MAP7: variants seen among roughly 807,000 people sequenced by gnomAD.
MAP7 encodes the protein microtubule associated protein 7, also known as ensconsin.
A neutral mutation model predicts 94.8 loss-of-function variants in MAP7; 52 were observed. That is an observed-to-expected ratio of 0.55 (90% confidence interval 0.44 to 0.69). The LOEUF is 0.69. MAP7 is among the 30% of genes least tolerant of loss of function. MAP7 has a pLI of 0.00. For missense variants in MAP7, 940 were observed against 964.6 expected (o/e 0.97, Z 0.34); for synonymous variants, 350 against 357.0 (o/e 0.98, Z 0.22).
intron 1 of MAP7, among the ~76,000 whole-genome samples, chr6:136,452,233 A>G (rs1329326874): frequency 1.3e-5 from 2 of 149,882 alleles, no homozygotes; most frequent in Non-Finnish European, 2.9e-5. Context: ...AAAACAAAAC[A>G]AAACAAAACT....
chr6:136,450,144 A>T (rs1337108962), intron 1 of MAP7, among the ~76,000 whole-genome samples: 7 of 152,236 alleles, frequency 4.6e-5, no homozygotes. Context: ...AGACTGTGCC[A>T]CTGCACGCCA....
At chr6:136,421,048 A>G (rs1034401597) in intron 2 of MAP7, among the ~76,000 whole-genome samples, 1 of 152,130 alleles carries the variant, frequency 6.6e-6, no homozygotes, top group African/African-American at 2.4e-5. Context: ...CCCACAGGCC[A>G]CGCAATGGTT....
Position 136,362,585 on chromosome 6 carries a change from C to A in MAP7, c.1391G>T (p.Ser464Ile), listed in dbSNP as rs1284383166. 6.2e-7 allele frequency: 1 copy of A among 1,614,146 alleles called. No homozygotes were observed. The highest frequency in any genetic ancestry group is 8.5e-7 in the Non-Finnish European group (1 of 1,180,038). ...GCCTGCAGAAGTCTTAACAGAAGCA[C>A]TGGCATTCACAGTGGATGACGGGGC... ...VSAPSSTVNASASVKTSAGTT... is the reference protein window; with the variant it reads ...VSAPSSTVNAIASVKTSAGTT... Residue 464 changes from serine (S) to isoleucine (I), a missense_variant, in exon 11 of 18, where the codon AGT (serine) becomes ATT (isoleucine). By Grantham distance (142) the Ser-to-Ile change is moderately radical. Transcript: ENST00000354570.
rs528667415 is a variant in MAP7 at position 136,488,469 on chromosome 6, G to C, written c.67+61873C>G. Reference sequence around the variant, plus strand: ...CTTTTTTTTTTTTTTTTTTTGAGACGGAGTCTTGCTCTGTTGCCAGGCTGG... The same window carrying C: ...CTTTTTTTTTTTTTTTTTTTGAGACCGAGTCTTGCTCTGTTGCCAGGCTGG... On this transcript the variant is annotated intron_variant, in intron 1 of 17. Transcript: ENST00000354570. 2.8e-3 allele frequency among the ~76,000 whole-genome samples: 403 copies of C among 142,624 alleles called. 3 individuals are homozygous for C. The highest frequency in any genetic ancestry group is 3.6e-3 in the Non-Finnish European group (236 of 66,478). The allele number at this position is 142,624 out of a possible 152,430, so 93.6% of individuals were successfully genotyped here.
chr6:136,516,594 C>T lies in MAP7; in HGVS notation c.67+33748G>A, dbSNP rs1426126596. Among the ~76,000 whole-genome samples, 7 of 152,254 alleles carry T rather than the reference C, an allele frequency of 4.6e-5. No homozygotes were observed. The South Asian group carries it at 8.3e-4, about 18-fold the overall frequency. On this transcript the variant is annotated intron_variant, in intron 1 of 17. Coordinates refer to ENST00000354570, the MANE Select transcript of MAP7 (RefSeq NM_003980.6). ...AGACAGTATCTACTTCACCAGGACA[C>T]AGATCCGCTGGCATATATATGTTCA...
At chr6:136,355,270 A>C (rs1271851712) in intron 16 of MAP7, among the ~76,000 whole-genome samples, 1 of 151,746 alleles carries the variant, frequency 6.6e-6, no homozygotes, top group Non-Finnish European at 1.5e-5. Context: ...TTTTTTTTAA[A>C]AAAGAAATCT....
At chr6:136,511,932 T>C (rs1172957538) in intron 1 of MAP7, among the ~76,000 whole-genome samples, 1 of 152,218 alleles carries the variant, frequency 6.6e-6, no homozygotes, top group East Asian at 1.9e-4. Context: ...AAGGTGCTTC[T>C]GGAATGGTCT....
chr6:136,488,767 T>C (rs1472339327), intron 1 of MAP7, among the ~76,000 whole-genome samples: 4 of 152,100 alleles, frequency 2.6e-5, no homozygotes, highest in Admixed American at 1.3e-4. Context: ...AATAAAGTTC[T>C]TAGATGCAAT....
intron 1 of MAP7, among the ~76,000 whole-genome samples, chr6:136,539,232 G>A (rs146533518): frequency 2.6e-5 from 4 of 152,214 alleles, no homozygotes; most frequent in East Asian, 3.9e-4. Context: ...TCCCTGTGAC[G>A]ATATTACCAA....
In MAP7 at chr6:136,411,662, G is replaced by T; in HGVS notation, c.202C>A (p.Arg68=). Residue 68 remains arginine (R), a synonymous_variant, in exon 3 of 18, where the codon CGG becomes AGG. Transcript: ENST00000354570. ...PPVLRVDDRQ[R]LARERREERE... ...TCCTCACGTCGCTCCCGGGCCAGCC[G>T]CTGCCGGTCATCAACACGTAACACA... 3.2e-6 allele frequency: 5 copies of T among 1,567,306 alleles called. No homozygotes were observed. Among genetic ancestry groups the T allele is most frequent in the Non-Finnish European group, 4.3e-6 (5 of 1,154,562 alleles).
At chr6:136,515,334 G>C (rs1824488461) in intron 1 of MAP7, among the ~76,000 whole-genome samples, 1 of 152,176 alleles carries the variant, frequency 6.6e-6, no homozygotes, top group African/African-American at 2.4e-5. Context: ...TCAGCATTCA[G>C]GCTGTTTCGC....
In MAP7 at chr6:136,509,590, A is replaced by C. The variant is rs148826026; in HGVS notation, c.67+40752T>G. The stretch of plus-strand genomic sequence containing the variant: ...TTTGTTTTTTTTGAGACAGGGTCTC[A>C]TTCTGTTGCACAGGCTGGAGTGCAG... On this transcript the variant is annotated intron_variant, in intron 1 of 17. Coordinates refer to ENST00000354570, the MANE Select transcript of MAP7 (RefSeq NM_003980.6). 1.3e-4 allele frequency among the ~76,000 whole-genome samples: 20 copies of C among 152,172 alleles called. No individual in the cohort carries two copies. In the East Asian group the frequency reaches 3.9e-3, roughly 29 times the overall value.
rs1295020415 is a variant in MAP7, at chr6:136,394,945, T to TATATAC, written c.245-5429_245-5428insGTATAT. ...TAATATTCCATCATATATATATATA[T>TATATAC]ATATATATATATATATATATATATA... On this transcript the variant is annotated intron_variant, in intron 3 of 17. Coordinates refer to ENST00000354570, the MANE Select transcript of MAP7 (RefSeq NM_003980.6). Among the ~76,000 whole-genome samples, 4 of 102,008 alleles carry TATATAC rather than the reference T, an allele frequency of 3.9e-5. 1 individual carries two copies. The highest frequency in any genetic ancestry group is 1.7e-4 in the African/African-American group (4 of 23,468). The allele number at this position is 102,008 out of a possible 152,430, so 66.9% of individuals were successfully genotyped here.
chr6:136,471,026 T>A lies in MAP7; in HGVS notation c.68-49227A>T, dbSNP rs367571172. On this transcript the variant is annotated intron_variant, in intron 1 of 17. Coordinates refer to ENST00000354570, the MANE Select transcript of MAP7 (RefSeq NM_003980.6). ...TAGAATTGCGTTTATCTAACATAAATGCTGGGGAGCTTGGCTATTGTTATT... is the reference window on the plus strand; with the variant it reads ...TAGAATTGCGTTTATCTAACATAAAAGCTGGGGAGCTTGGCTATTGTTATT... Among the ~76,000 whole-genome samples, 3 of 152,346 alleles carry A rather than the reference T, an allele frequency of 2.0e-5. No homozygotes were observed. In the East Asian group the frequency reaches 5.8e-4, roughly 29 times the overall value.
intron 1 of MAP7, among the ~76,000 whole-genome samples, chr6:136,451,377 C>A (rs1355753897): frequency 6.6e-6 from 1 of 152,234 alleles, no homozygotes; most frequent in Admixed American, 6.5e-5. Flanking sequence ...CATCTGTTGA[C>A]AGCATGGTTT....
intron 1 of MAP7, among the ~76,000 whole-genome samples, chr6:136,512,998 G>GGTTTTGTTTTGTTTTGTTTTGTTTT (rs111786683): frequency 4.6e-5 from 7 of 151,242 alleles, no homozygotes; most frequent in East Asian, 2.0e-4. Flanking sequence ...CACCAAGCTA[G>GGTTTTGTTTTGTTTTGTTTTGTTTT]GTTTTGTTTT....
chr6:136,387,619 C>T (rs1298653468), intron 5 of MAP7, among the ~76,000 whole-genome samples: 1 of 152,020 alleles, frequency 6.6e-6, no homozygotes, highest in African/African-American at 2.4e-5. Flanking sequence ...ATGTCTGTAC[C>T]AGCTTTTCTA....
rs147972519 is a variant in MAP7 at position 136,416,792 on chromosome 6, C to T, written c.166+4909G>A. 2.8e-3 allele frequency among the ~76,000 whole-genome samples: 413 copies of T among 147,782 alleles called. 5 individuals are homozygous for T. The highest frequency in any genetic ancestry group is 0.025 in the East Asian group (126 of 4,992). On this transcript the variant is annotated intron_variant, in intron 2 of 17. Coordinates refer to ENST00000354570, the MANE Select transcript of MAP7 (RefSeq NM_003980.6). ...CTGCACTCCAGCATGGGTGACAGGA[C>T]GAGACTACGTCTCAAAAAAAAAAAA...
In MAP7 at chr6:136,348,214, C is replaced by G. The variant is rs146996952; in HGVS notation, c.2016-2135G>C. Among the ~76,000 whole-genome samples the G allele has an allele frequency of 3.4e-3, 515 of 152,258 alleles. 3 individuals carry two copies. The highest frequency in any genetic ancestry group is 0.012 in the African/African-American group (480 of 41,542). On this transcript the variant is annotated intron_variant, in intron 16 of 17. Transcript: ENST00000354570. ...AGAACAGGAACGTATCTCCAGAGCCCCCTTTCCTTGGCAACCTTAACCTGT... is the reference window on the plus strand; with the variant it reads ...AGAACAGGAACGTATCTCCAGAGCCGCCTTTCCTTGGCAACCTTAACCTGT...
Sources: allele counts gnomAD v4.1 joint callset (sites outside exome capture counted in the v4.1 genomes callset), GRCh38; gene constraint gnomAD v4.1.1; transcripts MANE v1.5; gene names NCBI Gene and HGNC (gene_info 2026-07-23, HGNC 2026-07-21).